The following MAP3K5 variants were observed in gnomAD, a reference collection of about 807,000 sequenced individuals.
MAP3K5 encodes the protein mitogen-activated protein kinase kinase kinase 5, also known as ASK-1.
MAP3K5 carries 56 observed loss-of-function variants against 158.7 expected under a neutral mutation model. The ratio of observed to expected loss-of-function variants is 0.35; its 90% CI spans 0.28 to 0.44. The LOEUF (loss-of-function observed/expected upper bound fraction) is 0.44, where lower values mean the gene tolerates loss of function less well. Ranked by LOEUF, MAP3K5 falls within the 20% of genes least tolerant of loss-of-function variation. The pLI is 1.00. For missense variants in MAP3K5, 1,294 were observed against 1,674.8 expected, an observed-to-expected ratio of 0.77 and a Z score of 3.97; for synonymous variants, 579 against 601.7, an observed-to-expected ratio of 0.96 and a Z score of 0.55.
intron 12 of MAP3K5, among the ~76,000 whole-genome samples, chr6:136,640,951 A>C (rs1350741955): frequency 1.3e-5 from 2 of 152,230 alleles, no homozygotes; most frequent in Non-Finnish European, 2.9e-5. Flanking sequence ...GTAGCAGCCT[A>C]TGTATAAGTC....
At chr6:136,785,118 G>C (rs1008907974) in intron 1 of MAP3K5, among the ~76,000 whole-genome samples, 1 of 152,206 alleles carries the variant, frequency 6.6e-6, no homozygotes, top group African/African-American at 2.4e-5. Flanking sequence ...AAGTGGGCTG[G>C]ACAATTTTCA....
intron 11 of MAP3K5, among the ~76,000 whole-genome samples, chr6:136,647,455 C>T (rs926240024): frequency 6.6e-6 from 1 of 152,178 alleles, no homozygotes; most frequent in Non-Finnish European, 1.5e-5. Flanking sequence ...TGATGCTGAC[C>T]CTGGGTTCAT....
intron 3 of MAP3K5, among the ~76,000 whole-genome samples, chr6:136,699,048 T>C (rs2114678937): frequency 6.6e-6 from 1 of 152,268 alleles, no homozygotes. Flanking sequence ...CATACACATA[T>C]GAAAATGCTA....
chr6:136,780,648 T>G (rs1405280205), intron 1 of MAP3K5, among the ~76,000 whole-genome samples: 1 of 152,220 alleles, frequency 6.6e-6, no homozygotes, highest in Non-Finnish European at 1.5e-5. Context: ...CTTTTAGTTT[T>G]GCCCAGAATG....
chr6:136,674,616 C>T (rs1779626257), intron 7 of MAP3K5, among the ~76,000 whole-genome samples: 1 of 151,856 alleles, frequency 6.6e-6, no homozygotes, highest in Non-Finnish European at 1.5e-5. Flanking sequence ...CTATCAGTTG[C>T]CACATTAAAT....
At chr6:136,748,169 C>G (rs539669216) in intron 1 of MAP3K5, among the ~76,000 whole-genome samples, 8 of 152,208 alleles carry the variant, frequency 5.3e-5, no homozygotes, top group Non-Finnish European at 1.2e-4. Flanking sequence ...CATTTCACAT[C>G]CTTAGTCAGT....
intron 8 of MAP3K5, among the ~76,000 whole-genome samples, chr6:136,660,400 A>T (rs954400810): frequency 2.0e-5 from 3 of 152,230 alleles, no homozygotes; most frequent in African/African-American, 4.8e-5. Flanking sequence ...AAAAAAATTT[A>T]AAATCTAAAA....
At chr6:136,784,511 G>A (rs182925260) in intron 1 of MAP3K5, among the ~76,000 whole-genome samples, 4 of 152,230 alleles carry the variant, frequency 2.6e-5, no homozygotes, top group Admixed American at 2.0e-4. Flanking sequence ...ACCATGTGTT[G>A]GACACCACTG....
intron 25 of MAP3K5, among the ~76,000 whole-genome samples, chr6:136,576,758 C>T (rs770470179): frequency 8.5e-5 from 13 of 152,254 alleles, no homozygotes; most frequent in South Asian, 2.1e-4. Context: ...CAATCATGTA[C>T]GGTATAATAA....
In MAP3K5 at chr6:136,697,340, T is replaced by C; in HGVS notation, c.854A>G (p.Asn285Ser). The change falls in exon 5 of 30, where the codon AAT becomes AGT. Residue 285 changes from asparagine to serine, a missense_variant. Transcript: ENST00000359015. Reference sequence around the variant, plus strand: ...TGCCAATTCTTTACCAGTGTATAAATTACGAGCTTTCCTGATGTCATTGAG... The same window carrying C: ...TGCCAATTCTTTACCAGTGTATAAACTACGAGCTTTCCTGATGTCATTGAG... ...SILNDIRKAR[N>S]LYTGKELAAE... 1 of 1,613,382 alleles carries C rather than the reference T, an allele frequency of 6.2e-7. No homozygotes were observed. Among genetic ancestry groups the C allele is most frequent in the Non-Finnish European group, 8.5e-7 (1 of 1,179,598 alleles).
chr6:136,792,550 C>A (rs1321276508), upstream of MAP3K5: 19 of 173,576 alleles, frequency 1.1e-4, no homozygotes, highest in Non-Finnish European at 1.9e-4. This position sits in a 1 kb window ranked among gnomAD's most constrained non-coding sequence, Gnocchi z 5.7. Context: ...CCCGCCGCGC[C>A]GCGCCGCGCC....
At chr6:136,743,697 A>G (rs1460746364) in intron 1 of MAP3K5, among the ~76,000 whole-genome samples, 1 of 152,234 alleles carries the variant, frequency 6.6e-6, no homozygotes, top group African/African-American at 2.4e-5. Context: ...TATTTACCCA[A>G]ATGAAGTGAA....
In MAP3K5 at chr6:136,575,683, C is replaced by T. The variant is rs554934148; in HGVS notation, c.3517+4618G>A. 3.3e-5 allele frequency among the ~76,000 whole-genome samples: 5 copies of T among 152,304 alleles called. No homozygotes were observed. The South Asian group carries it at 1.0e-3, about 32-fold the overall frequency. On this transcript the variant is annotated intron_variant, in intron 25 of 29. Coordinates refer to ENST00000359015, the MANE Select transcript of MAP3K5 (RefSeq NM_005923.4). Reference sequence around the variant, plus strand: ...TACAATGTCTTTTATTTGAGGTTCACTGACGTCTTCTTGTGATTAGGTTGA... The same window carrying T: ...TACAATGTCTTTTATTTGAGGTTCATTGACGTCTTCTTGTGATTAGGTTGA...
chr6:136,675,248 A>C (rs765499473), intron 7 of MAP3K5, among the ~76,000 whole-genome samples: 1 of 152,112 alleles, frequency 6.6e-6, no homozygotes, highest in African/African-American at 2.4e-5. Context: ...ATAGGTAGAG[A>C]TCTTAAAACA....
At chr6:136,660,505 A>T (rs111897976) in intron 8 of MAP3K5, among the ~76,000 whole-genome samples, 1 of 152,174 alleles carries the variant, frequency 6.6e-6, no homozygotes, top group South Asian at 2.1e-4. Flanking sequence ...GGTAATGTAG[A>T]TACTCCAACT....
At chr6:136,780,280 G>T (rs1483775795) in intron 1 of MAP3K5, among the ~76,000 whole-genome samples, 1 of 152,088 alleles carries the variant, frequency 6.6e-6, no homozygotes, top group Non-Finnish European at 1.5e-5. Flanking sequence ...AATATGGTTT[G>T]GTAGAGATAC....
chr6:136,765,744 G>C (rs372845703), intron 1 of MAP3K5, among the ~76,000 whole-genome samples: 11 of 145,410 alleles, frequency 7.6e-5, no homozygotes, highest in African/African-American at 2.6e-4. Context: ...TGACCAGGCT[G>C]GTCTCGAACT....
intron 1 of MAP3K5, among the ~76,000 whole-genome samples, chr6:136,724,370 T>C (rs1018727449): frequency 2.6e-5 from 4 of 151,338 alleles, no homozygotes; most frequent in African/African-American, 4.9e-5. Context: ...TACCTCAGCC[T>C]CCCAAGTAGC....
rs141465078 is a variant in MAP3K5 at position 136,666,019 on chromosome 6, G to A, written c.1366+3264C>T. On this transcript the variant is annotated intron_variant, in intron 8 of 29. Coordinates refer to ENST00000359015, the MANE Select transcript of MAP3K5 (RefSeq NM_005923.4). ...CTCACCCATAAAATGTCTCACAATT[G>A]GAAAATTCCACAGAAGATGGAAGCA... Among the ~76,000 whole-genome samples, 387 of 152,246 alleles carry A rather than the reference G, an allele frequency of 2.5e-3. 6 individuals carry two copies. Among genetic ancestry groups the A allele is most frequent in the Admixed American group, 0.019 (292 of 15,296 alleles).
Sources: gnomAD v4.1 joint callset for allele counts (sites outside exome capture counted in the v4.1 genomes callset) on GRCh38, gnomAD v4.1.1 for gene constraint, Gnocchi (gnomAD v3.1) non-coding constraint, MANE v1.5 for transcripts, NCBI Gene and HGNC (gene_info 2026-07-23, HGNC 2026-07-21) for gene names.